The following TRPV6 variants were observed in gnomAD, a reference collection of about 807,000 sequenced individuals.
TRPV6 encodes transient receptor potential cation channel subfamily V member 6.
TRPV6 carries 39 observed loss-of-function variants against 79.0 expected under a neutral mutation model. The observed-to-expected ratio is 0.49, with a 90% CI of 0.38 to 0.64. The LOEUF (loss-of-function observed/expected upper bound fraction) is 0.64, where lower values mean the gene tolerates loss of function less well. Among genes scored for constraint, TRPV6 ranks in the 30% least tolerant of loss-of-function variants. TRPV6 has a pLI of 0.00. For synonymous variants in TRPV6, 373 were observed against 391.9 expected, an observed-to-expected ratio of 0.95 and a Z score of 0.57; for missense variants, 813 against 1,011.1, an observed-to-expected ratio of 0.80 and a Z score of 2.66.
intron 1 of TRPV6, chr7:142,881,647 A>G (rs1343481134): frequency 6.6e-6 from 1 of 152,230 alleles, no homozygotes; most frequent in African/African-American, 2.4e-5. Context: ...TAATTATAAT[A>G]AAATTGAACG....
chr7:142,876,322 C>T (rs1016927717), intron 6 of TRPV6, 86 bp downstream of exon 6: 10 of 1,501,452 alleles, frequency 6.7e-6, no homozygotes, highest in Middle Eastern at 2.1e-4. Context: ...CATCAGGGAT[C>T]GCGTTCACCT....
rs1795292934 is a variant in TRPV6, at chr7:142,885,732, C to G, written c.-96G>C. 1.8e-6 allele frequency: 1 copy of G among 562,676 alleles called. No homozygotes were observed. The allele number at this position is 562,676 out of a possible 1,614,324, so 34.9% of individuals were successfully genotyped here. A position where few individuals can be genotyped will look rare whatever the true frequency, so the allele number is the denominator to read the frequency against. On this transcript the variant is annotated 5_prime_UTR_variant, in exon 1 of 15. Coordinates refer to ENST00000359396, the MANE Select transcript of TRPV6 (RefSeq NM_018646.6). ...TGTGAGTTTGTTACACTTGGCAGAG[C>G]CAGCCAGGACTCTGCAGGGCTGGCC...
chr7:142,872,077 C>A, intron 14 of TRPV6, 88 bp from the exon 15 acceptor site: 1 of 1,483,892 alleles, frequency 6.7e-7, no homozygotes, highest in Non-Finnish European at 9.0e-7. Context: ...CTGGTCCTCC[C>A]ATCCCCGCCA....
Position 142,874,478 on chromosome 7 carries a change from G to T in TRPV6, c.1572+13C>A. On this transcript the variant is annotated intron_variant, in intron 11 of 14. Transcript: ENST00000359396. ...TGGGGCCTTTCTCTAGGGAGCTTGG[G>T]GGGAGGACTGACCTTCTGAATCATG... 2 of 1,613,916 alleles carry T rather than the reference G, an allele frequency of 1.2e-6. No individual in the cohort carries two copies. The highest frequency in any genetic ancestry group is 1.7e-6 in the Non-Finnish European group (2 of 1,179,806).
Position 142,885,426 on chromosome 7 carries a change from G to C in TRPV6, c.211C>G (p.Gln71Glu), listed in dbSNP as rs766519796. Residue 71 changes from glutamine to glutamate, a missense_variant, in exon 1 of 15, where the codon CAG becomes GAG. By Grantham distance (29) the Gln-to-Glu change is conservative. Transcript: ENST00000359396. ...AGCAGGTTCTGCTCATCTCGGCTCT[G>C]GGCCCAGGACTCCCGTCTCTGGAAC... 1 of 1,613,828 alleles carries C rather than the reference G, an allele frequency of 6.2e-7. No individual in the cohort carries two copies. Among genetic ancestry groups the C allele is most frequent in the East Asian group, 2.2e-5 (1 of 44,842 alleles).
intron 6 of TRPV6, 83 bp downstream of exon 6, chr7:142,876,325 G>A (rs147707702): frequency 2.2e-5 from 34 of 1,516,978 alleles, no homozygotes; most frequent in South Asian, 1.0e-4. Flanking sequence ...CAGGGATCGC[G>A]TTCACCTCTG....
At chr7:142,876,930 A>G in intron 4 of TRPV6, 93 bp from the exon 5 acceptor site, 1 of 1,527,664 alleles carries the variant, frequency 6.5e-7, no homozygotes, top group Non-Finnish European at 8.9e-7. Context: ...CTTCCCCCAC[A>G]TCTCAGCTCA....
intron 1 of TRPV6, chr7:142,881,568 G>A (rs892318791): frequency 6.6e-6 from 1 of 152,154 alleles, no homozygotes; most frequent in African/African-American, 2.4e-5. Context: ...AGATTATAGA[G>A]CAAATCTGAA....
chr7:142,877,507 G>C, intron 3 of TRPV6, 144 bp downstream of exon 3: 1 of 1,472,722 alleles, frequency 6.8e-7, no homozygotes. Flanking sequence ...AGTCAGGACT[G>C]ACACGGAAGG....
In TRPV6 at chr7:142,873,592, G is replaced by A. The variant is rs4987671; in HGVS notation, c.1764C>T (p.Asn588=). 4.5e-4 allele frequency: 732 copies of A among 1,614,216 alleles called. 2 individuals carry two copies. The African/African-American group carries it at 6.1e-3, about 14-fold the overall frequency. The change falls in exon 13 of 15, where the codon AAC becomes AAT. Residue 588 remains asparagine, a synonymous_variant. Transcript: ENST00000359396. This position sits in a 1 kb window ranked among gnomAD's most constrained non-coding sequence, Gnocchi z 4.8. ...TGCTGTACATGAAGGGCAGGTCCAC[G>A]TTGTAGTTGGCTGGGCCATCGATGA...
chr7:142,875,300 C>T, intron 8 of TRPV6, 136 bp from the exon 9 acceptor site: 1 of 1,267,834 alleles, frequency 7.9e-7, no homozygotes, highest in Non-Finnish European at 1.1e-6. Flanking sequence ...ACTCTGCTCT[C>T]AGAGTAAGAG....
intron 13 of TRPV6, 121 bp from the exon 14 acceptor site, chr7:142,872,599 A>G (rs901599813): frequency 1.4e-5 from 14 of 1,008,818 alleles, no homozygotes; most frequent in Non-Finnish European, 1.9e-5. Flanking sequence ...GAGACCAACA[A>G]TTCTTTACCC....
rs1001734798 is a variant in TRPV6, at chr7:142,885,659, C to T, written c.-23G>A. 1.3e-5 allele frequency: 16 copies of T among 1,213,006 alleles called. No individual in the cohort carries two copies. Among genetic ancestry groups the T allele is most frequent in the African/African-American group, 1.2e-4 (8 of 65,284 alleles). 75.1% of individuals were successfully genotyped at this position (1,213,006 alleles called of 1,614,324 possible). ...CGTCTCCTGTCTCCTGCCTTCCTGA[C>T]GAGTTCCTTGGGAGTCTCCCAGCAG... is the stretch of plus-strand genomic sequence containing the variant. On this transcript the variant is annotated 5_prime_UTR_variant, in exon 1 of 15. Transcript: ENST00000359396.
At chr7:142,877,546 A>G (rs1241516905) in intron 3 of TRPV6, 105 bp downstream of exon 3, 27 of 1,523,808 alleles carry the variant, frequency 1.8e-5, no homozygotes, top group Non-Finnish European at 2.3e-5. Context: ...AAAGAGTAGG[A>G]GGCTCAGATC....
In TRPV6 at chr7:142,876,614, C is replaced by G. The variant is rs1230173360; in HGVS notation, c.707-31G>C. On this transcript the variant is annotated intron_variant, in intron 5 of 14. Coordinates refer to ENST00000359396, the MANE Select transcript of TRPV6 (RefSeq NM_018646.6). ...GAGGACACAGGGTATCATGTGGCCA[C>G]TGGCCTAAAGTCCCTGATGTCCCCA... 4 of 1,613,358 alleles carry G rather than the reference C, an allele frequency of 2.5e-6. No individual in the cohort carries two copies. The South Asian group carries it at 4.4e-5, about 18-fold the overall frequency.
At chr7:142,879,769 A>AAAATGCTAAGGAT (rs1795156583) in intron 1 of TRPV6, 1 of 152,286 alleles carries the variant, frequency 6.6e-6, no homozygotes, top group South Asian at 2.1e-4. Context: ...CCAGATTAGC[A>AAAATGCTAAGGAT]AAATGCTAAG....
intron 8 of TRPV6, 123 bp downstream of exon 8, chr7:142,875,345 T>C (rs1795036291): frequency 7.8e-7 from 1 of 1,284,096 alleles, no homozygotes; most frequent in Non-Finnish European, 1.1e-6. Flanking sequence ...CATTTGGAGT[T>C]TGTACCCATA....
At chr7:142,877,455 A>G (rs1254944916) in intron 3 of TRPV6, 176 bp from the exon 4 acceptor site, 1 of 1,454,264 alleles carries the variant, frequency 6.9e-7, no homozygotes, top group South Asian at 1.4e-5. Context: ...CCTCTTCTCT[A>G]GGCCCCTGGC....
Position 142,871,244 on chromosome 7 carries a change from G to A in TRPV6, c.*463C>T. On this transcript the variant is annotated 3_prime_UTR_variant, in exon 15 of 15. Coordinates refer to ENST00000359396, the MANE Select transcript of TRPV6 (RefSeq NM_018646.6). ...AACGACTTTATTGAAGATGGAGTTG[G>A]CAAGACCTAGCCCCACTTCCCACCC... 3.9e-6 allele frequency: 2 copies of A among 511,046 alleles called. No individual in the cohort carries two copies. Among genetic ancestry groups the A allele is most frequent in the Non-Finnish European group, 7.1e-6 (2 of 280,654 alleles). The allele number at this position is 511,046 out of a possible 1,614,324, so 31.7% of individuals were successfully genotyped here.
Sources: gnomAD v4.1 joint callset for allele counts on GRCh38, gnomAD v4.1.1 for gene constraint, Gnocchi (gnomAD v3.1) non-coding constraint, MANE v1.5 for transcripts, NCBI Gene and HGNC (gene_info 2026-07-23, HGNC 2026-07-21) for gene names.